Variants in ADAMTS16 observed in about 807,000 individuals in gnomAD.
The protein encoded by ADAMTS16 is A disintegrin and metalloproteinase with thrombospondin motifs 16.
In ADAMTS16, 94 loss-of-function variants were observed where a neutral mutation model predicts 145.8. The observed-to-expected ratio is 0.64, with a 90% CI of 0.55 to 0.77. The LOEUF is 0.77. Ranked by LOEUF, ADAMTS16 falls within the 30% of genes least tolerant of loss-of-function variation. ADAMTS16 has a pLI of 0.00. For missense variants in ADAMTS16, 1,585 were observed against 1,591.5 expected (o/e 1.00, Z 0.07); for synonymous variants, 659 against 604.3 (o/e 1.09, Z -1.33).
chr5:5,158,737 T>C (rs535961259), intron 3 of ADAMTS16, among the ~76,000 whole-genome samples: 71 of 152,346 alleles, frequency 4.7e-4, no homozygotes, highest in Non-Finnish European at 4.4e-5. Flanking sequence ...AGTAACATGA[T>C]ATGATGTAAT....
chr5:5,320,164 G>A lies in ADAMTS16; in HGVS notation c.*1026G>A. On this transcript the variant is annotated 3_prime_UTR_variant, in exon 23 of 23. Transcript: ENST00000274181. The surrounding 1 kb of genome is among the most constrained non-coding windows in gnomAD (Gnocchi z 5.1). ...GCTGCGGGTGTTAGGGTGGGAATCT[G>A]CCCGGCGTCTCTGGCACCCTCCCTG... 1 of 314,324 alleles carries A rather than the reference G, an allele frequency of 3.2e-6. No homozygotes were observed. Among genetic ancestry groups the A allele is most frequent in the Non-Finnish European group, 6.0e-6 (1 of 166,332 alleles). 19.5% of individuals were successfully genotyped at this position (314,324 alleles called of 1,614,324 possible). A position where few individuals can be genotyped will look rare whatever the true frequency, so the allele number is the denominator to read the frequency against.
At chr5:5,173,922 AGTT>A (rs1735118827) in intron 3 of ADAMTS16, among the ~76,000 whole-genome samples, 1 of 152,190 alleles carries the variant, frequency 6.6e-6, no homozygotes. Context: ...AAGTTGCTGT[AGTT>A]ATTATTTTTG....
intron 3 of ADAMTS16, among the ~76,000 whole-genome samples, chr5:5,153,971 T>C (rs1053614758): frequency 6.6e-6 from 1 of 152,180 alleles, no homozygotes; most frequent in Non-Finnish European, 1.5e-5. Context: ...TGGTTTGAAT[T>C]GTACTGGGTT....
chr5:5,159,045 C>T (rs1734677201), intron 3 of ADAMTS16, among the ~76,000 whole-genome samples: 1 of 152,222 alleles, frequency 6.6e-6, no homozygotes, highest in Admixed American at 6.5e-5. Context: ...TCAACATTTA[C>T]CTTGTTTGGT....
intron 20 of ADAMTS16, among the ~76,000 whole-genome samples, chr5:5,306,120 T>A (rs1740143202): frequency 6.6e-6 from 1 of 152,226 alleles, no homozygotes. Context: ...GGGGCCAACA[T>A]CACTGCATTT....
At chr5:5,209,000 T>C (rs752476147) in intron 9 of ADAMTS16, 93 bp from the exon 10 acceptor site, 4 of 1,417,508 alleles carry the variant, frequency 2.8e-6, no homozygotes, top group Admixed American at 2.2e-5. Flanking sequence ...ATATATGTTG[T>C]AAAATTACAT....
chr5:5,146,514 C>A (rs935192269), intron 3 of ADAMTS16, 59 bp downstream of exon 3: 2 of 1,491,838 alleles, frequency 1.3e-6, no homozygotes, highest in Non-Finnish European at 1.8e-6. Context: ...GAAAGGAGAG[C>A]GTAACCAGGA....
chr5:5,194,726 G>A (rs920466067), intron 8 of ADAMTS16, among the ~76,000 whole-genome samples: 2 of 152,166 alleles, frequency 1.3e-5, no homozygotes, highest in African/African-American at 4.8e-5. Context: ...AAGAAGGAAT[G>A]ATAAGTTTGA....
chr5:5,225,024 C>CGA (rs796834382), intron 11 of ADAMTS16, among the ~76,000 whole-genome samples: 6 of 146,660 alleles, frequency 4.1e-5, no homozygotes, highest in African/African-American at 1.2e-4. Context: ...TCCTTTGTAC[C>CGA]AAAAAAAAAC....
intron 10 of ADAMTS16, among the ~76,000 whole-genome samples, chr5:5,217,857 T>C (rs2126336493): frequency 6.6e-6 from 1 of 152,366 alleles, no homozygotes; most frequent in African/African-American, 2.4e-5. Context: ...TTTGTCTTCA[T>C]CGTGTACCTA....
intron 7 of ADAMTS16, among the ~76,000 whole-genome samples, chr5:5,190,672 C>T (rs1223914196): frequency 6.6e-6 from 1 of 152,140 alleles, no homozygotes; most frequent in Non-Finnish European, 1.5e-5. Flanking sequence ...TGTCTTCTAA[C>T]TCTCCGTTTC....
chr5:5,303,355 C>T lies in ADAMTS16; in HGVS notation c.2877C>T (p.His959=). The change falls in exon 19 of 23, where the codon CAC becomes CAT. Residue 959 remains histidine, a synonymous_variant. Coordinates refer to ENST00000274181, the MANE Select transcript of ADAMTS16 (RefSeq NM_139056.4). The stretch of plus-strand genomic sequence containing the variant: ...CCGTGCAGTGCACACGGCGGGTGCA[C>T]TATGACTCGGAGCCAGTCCCGGCCA... The part of the protein sequence containing the change: ...SRPVQCTRRV[H]YDSEPVPASL... 1 of 1,602,414 alleles carries T rather than the reference C, an allele frequency of 6.2e-7. No individual in the cohort carries two copies. Among genetic ancestry groups the T allele is most frequent in the South Asian group, 1.1e-5 (1 of 89,264 alleles).
At chr5:5,191,886 G>A (rs1735671234) in intron 8 of ADAMTS16, 96 bp downstream of exon 8, 1 of 884,446 alleles carries the variant, frequency 1.1e-6, no homozygotes, top group African/African-American at 1.7e-5. Context: ...GTCCATGAAG[G>A]GAATTCACAT....
chr5:5,264,552 G>A (rs931044087), intron 18 of ADAMTS16, among the ~76,000 whole-genome samples: 1 of 152,134 alleles, frequency 6.6e-6, no homozygotes. Flanking sequence ...CTTTTTGTAG[G>A]TGTTACCCCT....
At chr5:5,294,658 C>T (rs1739458797) in intron 18 of ADAMTS16, among the ~76,000 whole-genome samples, 1 of 152,238 alleles carries the variant, frequency 6.6e-6, no homozygotes, top group South Asian at 2.1e-4. Context: ...CATGTTGACA[C>T]ATCAAGTTAA....
chr5:5,313,404 A>G (rs1452042394), intron 21 of ADAMTS16, among the ~76,000 whole-genome samples: 1 of 152,182 alleles, frequency 6.6e-6, no homozygotes, highest in East Asian at 1.9e-4. Context: ...TTATCTTCAC[A>G]TTTCATGGTG....
intron 22 of ADAMTS16, among the ~76,000 whole-genome samples, chr5:5,318,607 C>T (rs753486314): frequency 1.1e-4 from 16 of 152,136 alleles, no homozygotes; most frequent in Non-Finnish European, 1.9e-4. Context: ...CACTGGGTGC[C>T]CTCTAAATGC....
chr5:5,311,862 A>G (rs1002199267), intron 21 of ADAMTS16, among the ~76,000 whole-genome samples: 14 of 150,948 alleles, frequency 9.3e-5, no homozygotes, highest in African/African-American at 3.4e-4. Flanking sequence ...GACTACAGGC[A>G]CCCGCCACCA....
chr5:5,206,193 G>A (rs543223384), intron 9 of ADAMTS16, among the ~76,000 whole-genome samples: 321 of 151,354 alleles, frequency 2.1e-3, no homozygotes, highest in Non-Finnish European at 3.8e-3. Context: ...TTGGGAGGCC[G>A]AGGCGGGCGG....
Sources: allele counts gnomAD v4.1 joint callset (sites outside exome capture counted in the v4.1 genomes callset), GRCh38; gene constraint gnomAD v4.1.1; non-coding constraint Gnocchi (gnomAD v3.1); transcripts MANE v1.5; gene names NCBI Gene and HGNC (gene_info 2026-07-23, HGNC 2026-07-21).